PEAK1: variants seen among roughly 807,000 people sequenced by gnomAD.
PEAK1 encodes the protein inactive tyrosine-protein kinase PEAK1.
A neutral mutation model predicts 124.7 loss-of-function variants in PEAK1; 54 were observed. The observed-to-expected ratio is 0.43, with a 90% CI of 0.35 to 0.54. PEAK1 has a LOEUF of 0.54. Among genes scored for constraint, PEAK1 ranks in the 20% least tolerant of loss-of-function variants. The pLI is 0.01. For synonymous variants in PEAK1, 719 were observed against 760.0 expected (o/e 0.95, Z 0.89); for missense variants, 2,046 against 2,134.5 (o/e 0.96, Z 0.82).
intron 2 of PEAK1, chr15:77,356,027 T>A: frequency 1.2e-6 from 1 of 827,042 alleles, no homozygotes; most frequent in Non-Finnish European, 1.5e-6. Flanking sequence ...GCTTCTCTTG[T>A]ATTCCAGTGC....
At chr15:77,165,138 T>C (rs942461884) in intron 7 of PEAK1, among the ~76,000 whole-genome samples, 2 of 151,842 alleles carry the variant, frequency 1.3e-5, no homozygotes, top group African/African-American at 4.8e-5. Flanking sequence ...TGACCTCAGA[T>C]GATCCACCTA....
At chr15:77,135,932 C>T (rs1194048846) in intron 8 of PEAK1, among the ~76,000 whole-genome samples, 1 of 152,016 alleles carries the variant, frequency 6.6e-6, no homozygotes, top group African/African-American at 2.4e-5. Context: ...TAAATTGGTA[C>T]CAGTAGAGTG....
intron 1 of PEAK1, among the ~76,000 whole-genome samples, chr15:77,412,271 G>A (rs2072476347): frequency 6.6e-6 from 1 of 152,130 alleles, no homozygotes. Flanking sequence ...AGATTCCCAT[G>A]TTCAACTGCT....
At chr15:77,372,121 C>T (rs973580523) in intron 1 of PEAK1, among the ~76,000 whole-genome samples, 21 of 152,122 alleles carry the variant, frequency 1.4e-4, no homozygotes, top group Non-Finnish European at 1.5e-4. Flanking sequence ...TTCTCTGATA[C>T]GAGAAGAGAT....
chr15:77,188,650 GT>G (rs2057671481), intron 6 of PEAK1, among the ~76,000 whole-genome samples: 1 of 151,830 alleles, frequency 6.6e-6, no homozygotes, highest in South Asian at 2.1e-4. Context: ...CTCTAATGCT[GT>G]TCCATTTGTT....
intron 6 of PEAK1, 87 bp downstream of exon 6, chr15:77,252,280 G>A: frequency 1.3e-6 from 1 of 772,500 alleles, no homozygotes; most frequent in Non-Finnish European, 1.6e-6. Flanking sequence ...TGGCATTTAA[G>A]TTAAACATTT....
intron 6 of PEAK1, among the ~76,000 whole-genome samples, chr15:77,240,378 G>A (rs1435401553): frequency 6.6e-6 from 1 of 152,012 alleles, no homozygotes; most frequent in Non-Finnish European, 1.5e-5. Context: ...CAAGCCCTGT[G>A]GGAGGCCAAG....
At chr15:77,329,664 G>T (rs17384809) in intron 2 of PEAK1, among the ~76,000 whole-genome samples, 1 of 151,956 alleles carries the variant, frequency 6.6e-6, no homozygotes, top group Admixed American at 6.6e-5. Context: ...TCATTCATTA[G>T]CAAGGATGAC....
intron 1 of PEAK1, 106 bp downstream of exon 1, chr15:77,419,900 C>T (rs2073242130): frequency 6.7e-6 from 1 of 149,432 alleles, no homozygotes. Flanking sequence ...CCGCCCCGCC[C>T]GGATTCCCCC....
At position 77,181,582 on chromosome 15, in the gene PEAK1, T is replaced by A. The variant is rs2057276890; in HGVS notation, c.345A>T (p.Pro115=). 6.2e-7 allele frequency: 1 copy of A among 1,614,110 alleles called. No individual in the cohort carries two copies. The change falls in exon 7 of 10, where the codon CCA becomes CCT. Residue 115 remains proline (P), a synonymous_variant. Coordinates refer to ENST00000682557, the MANE Select transcript of PEAK1 (RefSeq NM_001385026.1). ...CATCATCTTCATTATTATTGTTAAG[T>A]GGTTTCTGACTCAAGGCAGCTCTGT... ...NRNRAALSQK[P]LNNNNEDDEG...
chr15:77,412,437 C>G (rs1301919660), intron 1 of PEAK1, among the ~76,000 whole-genome samples: 1 of 152,172 alleles, frequency 6.6e-6, no homozygotes, highest in East Asian at 1.9e-4. Flanking sequence ...TCCAGTTGCT[C>G]AAGTCAAAAA....
chr15:77,292,639 T>C, intron 2 of PEAK1, among the ~76,000 whole-genome samples: 1 of 152,094 alleles, frequency 6.6e-6, no homozygotes, highest in South Asian at 2.1e-4. Context: ...GCACATCAGG[T>C]GACTCAAATT....
chr15:77,166,153 A>ATCCTTC (rs2056084911), intron 7 of PEAK1, among the ~76,000 whole-genome samples: 1 of 152,228 alleles, frequency 6.6e-6, no homozygotes, highest in African/African-American at 2.4e-5. Flanking sequence ...ATTTCCAAAA[A>ATCCTTC]AATTTTCCTT....
At chr15:77,332,902 T>G in intron 2 of PEAK1, 14 of 211,076 alleles carry the variant, frequency 6.6e-5, no homozygotes, top group Non-Finnish European at 1.1e-4. Context: ...TGTTTACTAA[T>G]GAGATTGATG....
chr15:77,182,138 T>G, intron 6 of PEAK1, 98 bp from the exon 7 acceptor site: 1 of 1,133,896 alleles, frequency 8.8e-7, no homozygotes, highest in Non-Finnish European at 1.1e-6. Context: ...ATTCCTAAAC[T>G]TTTCCTTAAA....
intron 2 of PEAK1, chr15:77,351,932 T>G (rs2067235252): frequency 1.0e-6 from 1 of 985,164 alleles, no homozygotes; most frequent in Non-Finnish European, 1.2e-6. Context: ...ATAAGATTAT[T>G]AAAATCAGCC....
At chr15:77,267,070 C>A (rs961570187) in intron 5 of PEAK1, among the ~76,000 whole-genome samples, 2 of 152,092 alleles carry the variant, frequency 1.3e-5, no homozygotes, top group Admixed American at 6.6e-5. Flanking sequence ...CTCTGGCTGC[C>A]GGCATTCTCC....
intron 1 of PEAK1, among the ~76,000 whole-genome samples, chr15:77,375,183 G>A (rs940617588): frequency 1.3e-5 from 2 of 152,080 alleles, no homozygotes; most frequent in African/African-American, 2.4e-5. Context: ...TACTATCCCA[G>A]GCAGAATGCA....
rs570889790 is a variant in PEAK1 at position 77,140,949 on chromosome 15, T to C, written c.3332-7199A>G. On this transcript the variant is annotated intron_variant, in intron 8 of 9. Transcript: ENST00000682557. ...AACTCCTGAGCTCAAGTGACCTGCCTGCCTTGGCCTCCCAAAGTGATGGGA... is the reference window on the plus strand; with the variant it reads ...AACTCCTGAGCTCAAGTGACCTGCCCGCCTTGGCCTCCCAAAGTGATGGGA... Among the ~76,000 whole-genome samples, 6 of 152,238 alleles carry C rather than the reference T, an allele frequency of 3.9e-5. No individual in the cohort carries two copies. The East Asian group carries it at 1.2e-3, about 29-fold the overall frequency.
Sources: allele counts gnomAD v4.1 joint callset (sites outside exome capture counted in the v4.1 genomes callset), GRCh38; gene constraint gnomAD v4.1.1; transcripts MANE v1.5; gene names NCBI Gene and HGNC (gene_info 2026-07-23, HGNC 2026-07-21).